The following SLC26A7 variants were observed in gnomAD, a reference collection of about 807,000 sequenced individuals.
SLC26A7 encodes anion exchange transporter.
A neutral mutation model predicts 82.5 loss-of-function variants in SLC26A7; 59 were observed. The observed-to-expected ratio is 0.72, with a 90% CI of 0.58 to 0.89. SLC26A7 has a LOEUF of 0.89. Ranked by LOEUF, SLC26A7 falls within the 40% of genes least tolerant of loss-of-function variation. SLC26A7 has a pLI of 0.00. For synonymous variants in SLC26A7, 271 were observed against 274.3 expected, an observed-to-expected ratio of 0.99 and a Z score of 0.12; for missense variants, 820 against 793.0, an observed-to-expected ratio of 1.03 and a Z score of -0.41.
At chr8:91,210,562 GACACACACAC>G (rs35968986) in intron 1 of SLC26A7, among the ~76,000 whole-genome samples, 113 of 145,980 alleles carry the variant, frequency 7.7e-4, no homozygotes, top group East Asian at 2.5e-3. Flanking sequence ...CACACACACA[GACACACACAC>G]ACACACACAC....
chr8:91,315,820 C>T (rs796743861), intron 4 of SLC26A7, among the ~76,000 whole-genome samples: 16 of 152,334 alleles, frequency 1.1e-4, no homozygotes, highest in African/African-American at 3.8e-4. Flanking sequence ...GTGACACCCC[C>T]TGTTGTTCCT....
intron 6 of SLC26A7, among the ~76,000 whole-genome samples, chr8:91,337,425 C>G (rs1441809682): frequency 1.3e-5 from 2 of 151,936 alleles, no homozygotes; most frequent in Admixed American, 1.3e-4. Context: ...TTAAAATTAT[C>G]AGAAAAATGA....
At chr8:91,300,587 C>G (rs1313768485) in intron 4 of SLC26A7, among the ~76,000 whole-genome samples, 13 of 151,896 alleles carry the variant, frequency 8.6e-5, no homozygotes, top group Admixed American at 8.5e-4. Flanking sequence ...TTAGTAGAGA[C>G]GGGGTTTCAC....
chr8:91,317,060 T>A (rs1397429637), intron 4 of SLC26A7, among the ~76,000 whole-genome samples: 1 of 114,342 alleles, frequency 8.7e-6, no homozygotes, highest in African/African-American at 3.4e-5. Context: ...TTCAGGAGGC[T>A]AAAATGGGAG....
chr8:91,221,342 T>G (rs564622742), intron 2 of SLC26A7, among the ~76,000 whole-genome samples: 3 of 152,308 alleles, frequency 2.0e-5, no homozygotes, highest in Admixed American at 2.0e-4. Context: ...TGATAATAAT[T>G]TCTTTTGCTG....
At chr8:91,258,940 C>A (rs1180798029) in intron 2 of SLC26A7, among the ~76,000 whole-genome samples, 2 of 152,064 alleles carry the variant, frequency 1.3e-5, no homozygotes, top group East Asian at 3.9e-4. Flanking sequence ...TTCAGCAACA[C>A]TGCAAATACC....
At chr8:91,247,199 C>G (rs1810555960), upstream of SLC26A7, among the ~76,000 whole-genome samples, 1 of 152,078 alleles carries the variant, frequency 6.6e-6, no homozygotes, top group African/African-American at 2.4e-5. Flanking sequence ...TTCTGTTAAT[C>G]CATGTATGAA....
At chr8:91,222,987 T>C (rs1345203004) in intron 2 of SLC26A7, among the ~76,000 whole-genome samples, 1 of 152,180 alleles carries the variant, frequency 6.6e-6, no homozygotes, top group African/African-American at 2.4e-5. Context: ...GCCAGTAGAC[T>C]ATTAATTACT....
chr8:91,270,495 G>T (rs1439436180), intron 2 of SLC26A7, among the ~76,000 whole-genome samples: 1 of 152,170 alleles, frequency 6.6e-6, no homozygotes, highest in Non-Finnish European at 1.5e-5. Context: ...CAGGGTTTTA[G>T]TTGTTTCCAG....
intron 4 of SLC26A7, among the ~76,000 whole-genome samples, chr8:91,309,335 A>G (rs1812411261): frequency 6.6e-6 from 1 of 151,596 alleles, no homozygotes; most frequent in Non-Finnish European, 1.5e-5. Context: ...ATTAAGTTAA[A>G]CATGAGCATA....
intron 15 of SLC26A7, among the ~76,000 whole-genome samples, chr8:91,370,738 TAA>T (rs1201660193): frequency 6.6e-6 from 1 of 152,052 alleles, no homozygotes; most frequent in African/African-American, 2.4e-5. Flanking sequence ...AACTAAATGA[TAA>T]AAGAGTTGAA....
chr8:91,308,246 GGTGTGTGTGTGT>G (rs35920887), intron 4 of SLC26A7, among the ~76,000 whole-genome samples: 1 of 145,652 alleles, frequency 6.9e-6, no homozygotes, highest in South Asian at 2.2e-4. Context: ...AGGAGGAAGA[GGTGTGTGTGTGT>G]GTGTGTGTGT....
chr8:91,270,474 C>T (rs887847821), intron 2 of SLC26A7, among the ~76,000 whole-genome samples: 3 of 152,166 alleles, frequency 2.0e-5, no homozygotes, highest in Non-Finnish European at 4.4e-5. Flanking sequence ...GGAGCACCAG[C>T]ACTTAATTGC....
intron 3 of SLC26A7, among the ~76,000 whole-genome samples, chr8:91,289,872 C>A (rs1176365656): frequency 6.6e-6 from 1 of 152,070 alleles, no homozygotes; most frequent in Admixed American, 6.5e-5. Flanking sequence ...CTCTATATTA[C>A]CAAAGAAAAT....
intron 5 of SLC26A7, among the ~76,000 whole-genome samples, chr8:91,333,588 C>T (rs1038236146): frequency 6.6e-6 from 1 of 152,096 alleles, no homozygotes; most frequent in African/African-American, 2.4e-5. Context: ...CCCACCCCAC[C>T]ACCACTCAAA....
chr8:91,281,604 A>G (rs940000037), intron 2 of SLC26A7, among the ~76,000 whole-genome samples: 1 of 152,194 alleles, frequency 6.6e-6, no homozygotes, highest in Non-Finnish European at 1.5e-5. Flanking sequence ...TTTTAAATTC[A>G]CAATATTAGG....
chr8:91,251,497 T>A (rs1810655563), intron 2 of SLC26A7, among the ~76,000 whole-genome samples: 1 of 152,164 alleles, frequency 6.6e-6, no homozygotes, highest in African/African-American at 2.4e-5. Flanking sequence ...TAATTATTTT[T>A]AAAATGTCTA....
chr8:91,336,321 C>A (rs1489410974), intron 6 of SLC26A7, among the ~76,000 whole-genome samples: 3 of 152,100 alleles, frequency 2.0e-5, no homozygotes, highest in Non-Finnish European at 2.9e-5. Flanking sequence ...GGAACCTGGC[C>A]ACACAGCAGA....
intron 1 of SLC26A7, among the ~76,000 whole-genome samples, chr8:91,211,275 A>G (rs1809911743): frequency 6.6e-6 from 1 of 152,088 alleles, no homozygotes; most frequent in Non-Finnish European, 1.5e-5. Context: ...AATAATATCT[A>G]GTAAGTATAT....
Sources: gnomAD v4.1 joint callset for allele counts (sites outside exome capture counted in the v4.1 genomes callset) on GRCh38, gnomAD v4.1.1 for gene constraint, MANE v1.5 for transcripts, NCBI Gene and HGNC (gene_info 2026-07-23, HGNC 2026-07-21) for gene names.